Variants in MYO16 observed in about 807,000 individuals in gnomAD.
The protein encoded by MYO16 is myosin XVI, also known as unconventional myosin-XVI.
Under a neutral mutation model 205.3 loss-of-function variants are expected in MYO16, and 94 were observed. The observed-to-expected ratio is 0.46, with a 90% confidence interval of 0.39 to 0.54. The LOEUF (loss-of-function observed/expected upper bound fraction) is 0.54, where lower values mean the gene tolerates loss of function less well. Among genes scored for constraint, MYO16 ranks in the 20% least tolerant of loss-of-function variants. The pLI is 0.00. For synonymous variants in MYO16, 988 were observed against 954.0 expected (o/e 1.04, Z -0.66); for missense variants, 2,315 against 2,387.5 (o/e 0.97, Z 0.63).
intron 12 of MYO16, among the ~76,000 whole-genome samples, chr13:108,873,595 C>G (rs1271987728): frequency 6.6e-6 from 1 of 152,188 alleles, no homozygotes; most frequent in Non-Finnish European, 1.5e-5. Context: ...CCAACCGGGA[C>G]AGGGTCCATG....
At chr13:108,751,648 G>C (rs9514897) in intron 4 of MYO16, among the ~76,000 whole-genome samples, 60,674 of 151,928 alleles carry the variant, frequency 0.4, 12,633 homozygotes, top group East Asian at 0.55. Context: ...ACTTGATAAA[G>C]ACTACGTCAG....
chr13:108,930,916 G>A (rs72654029), intron 16 of MYO16, among the ~76,000 whole-genome samples: 6,089 of 152,216 alleles, frequency 0.04, 131 homozygotes, highest in Middle Eastern at 0.18. Flanking sequence ...TATGTGAGCC[G>A]TAACAGTTTA....
chr13:108,667,320 GTTTTTTT>G (rs770988720), intron 2 of MYO16, among the ~76,000 whole-genome samples: 1 of 128,538 alleles, frequency 7.8e-6, no homozygotes, highest in African/African-American at 2.9e-5. Context: ...TTTCTGTTTT[GTTTTTTT>G]TTTTTTTTTG....
At chr13:108,763,931 A>C (rs572019214) in intron 4 of MYO16, among the ~76,000 whole-genome samples, 2 of 151,206 alleles carry the variant, frequency 1.3e-5, no homozygotes, top group African/African-American at 4.9e-5. Context: ...TAAACCAATT[A>C]AGAGATTTTT....
intron 34 of MYO16, among the ~76,000 whole-genome samples, chr13:109,181,933 T>C (rs6492168): frequency 0.64 from 96,137 of 151,214 alleles, 32,560 homozygotes; most frequent in African/African-American, 0.86. Flanking sequence ...GATTCTCCTA[T>C]CTCAGCCTCC....
chr13:108,735,294 A>G (rs1884656352), intron 4 of MYO16, among the ~76,000 whole-genome samples: 1 of 113,470 alleles, frequency 8.8e-6, no homozygotes, highest in Admixed American at 1.3e-4. Flanking sequence ...CTGGTGTGTG[A>G]TGTTCCCCTT....
chr13:109,200,061 A>C (rs574334385), intron 34 of MYO16, among the ~76,000 whole-genome samples: 1 of 152,330 alleles, frequency 6.6e-6, no homozygotes, highest in South Asian at 2.1e-4. Flanking sequence ...AATAGATGGA[A>C]ATAAAGCAGA....
the MYO16 span, among the ~76,000 whole-genome samples, chr13:108,548,493 G>C: frequency 2.0e-5 from 3 of 151,426 alleles, no homozygotes; most frequent in African/African-American, 7.3e-5. Flanking sequence ...GCTGGTGGTA[G>C]TTGTGTTGGT....
chr13:109,150,958 TG>T (rs1414317749), intron 32 of MYO16, among the ~76,000 whole-genome samples: 1 of 152,216 alleles, frequency 6.6e-6, no homozygotes, highest in Non-Finnish European at 1.5e-5. Flanking sequence ...TACAATATCC[TG>T]GGGTTTTCTT....
At chr13:109,023,303 AATATAT>A (rs1170324606) in intron 23 of MYO16, among the ~76,000 whole-genome samples, 38 of 33,098 alleles carry the variant, frequency 1.1e-3, no homozygotes, top group Admixed American at 1.6e-3. Context: ...TACAGATATA[AATATAT>A]ATATTTATAT....
At chr13:109,108,832 C>T (rs886927488) in intron 28 of MYO16, among the ~76,000 whole-genome samples, 3 of 151,924 alleles carry the variant, frequency 2.0e-5, no homozygotes, top group Admixed American at 1.3e-4. Flanking sequence ...ACCAAGGGGC[C>T]CAGGGTGAGG....
intron 1 of MYO16, among the ~76,000 whole-genome samples, chr13:108,615,390 G>T (rs1879313664): frequency 6.6e-6 from 1 of 152,024 alleles, no homozygotes; most frequent in South Asian, 2.1e-4. Context: ...GAAAAATTTG[G>T]CAGTTCTGCG....
chr13:108,845,109 G>A (rs1877452651), intron 10 of MYO16, among the ~76,000 whole-genome samples: 1 of 152,146 alleles, frequency 6.6e-6, no homozygotes, highest in Non-Finnish European at 1.5e-5. Flanking sequence ...ATAAGTGGCA[G>A]AATAACTTGC....
At chr13:109,166,111 A>T (rs967879898) in intron 33 of MYO16, among the ~76,000 whole-genome samples, 1 of 152,228 alleles carries the variant, frequency 6.6e-6, no homozygotes, top group Non-Finnish European at 1.5e-5. Flanking sequence ...TAAGATAAAA[A>T]ATTAAAAGCA....
intron 32 of MYO16, among the ~76,000 whole-genome samples, chr13:109,153,042 C>T (rs1046688896): frequency 1.1e-4 from 16 of 152,160 alleles, no homozygotes; most frequent in African/African-American, 3.4e-4. Flanking sequence ...ACGAGACTCA[C>T]ATTTTACATA....
chr13:109,156,079 T>G (rs1343453068), intron 32 of MYO16, among the ~76,000 whole-genome samples: 2 of 152,232 alleles, frequency 1.3e-5, no homozygotes, highest in African/African-American at 4.8e-5. Flanking sequence ...TTCTTCCTCA[T>G]GTGCAGTAAT....
intron 27 of MYO16, among the ~76,000 whole-genome samples, chr13:109,099,034 G>A (rs750898554): frequency 6.6e-5 from 10 of 152,080 alleles, no homozygotes; most frequent in Non-Finnish European, 7.3e-5. Context: ...GTTGTAAGAC[G>A]ATCAGCTTCG....
At chr13:108,647,250 TGTTC>T (rs779540417) in intron 1 of MYO16, among the ~76,000 whole-genome samples, 1 of 152,128 alleles carries the variant, frequency 6.6e-6, no homozygotes, top group Non-Finnish European at 1.5e-5. Flanking sequence ...GCATTTTTTT[TGTTC>T]GAACTCAGAC....
At chr13:109,119,271 T>G (rs990782627) in intron 28 of MYO16, among the ~76,000 whole-genome samples, 1 of 152,204 alleles carries the variant, frequency 6.6e-6, no homozygotes, top group African/African-American at 2.4e-5. Context: ...TGGCATAGGC[T>G]AGGGGGTGTT....
Sources: gnomAD v4.1 joint callset for allele counts (sites outside exome capture counted in the v4.1 genomes callset) on GRCh38, gnomAD v4.1.1 for gene constraint, MANE v1.5 for transcripts, NCBI Gene and HGNC (gene_info 2026-07-23, HGNC 2026-07-21) for gene names.